Variants in MMS19 observed in about 807,000 individuals in gnomAD.
MMS19 encodes the protein MMS19 cytosolic iron-sulfur assembly component.
A neutral mutation model predicts 129.8 loss-of-function variants in MMS19; 77 were observed. The observed-to-expected ratio is 0.59, with a 90% CI of 0.49 to 0.72. The LOEUF (loss-of-function observed/expected upper bound fraction) is 0.72. Ranked by LOEUF, MMS19 falls within the 30% of genes least tolerant of loss-of-function variation. MMS19 has a pLI of 0.00. For missense variants in MMS19, 1,168 were observed against 1,266.3 expected (o/e 0.92, Z 1.18); for synonymous variants, 491 against 502.8 (o/e 0.98, Z 0.31).
At position 97,460,238 on chromosome 10, in the gene MMS19, G is replaced by GA. The variant is rs756709908; in HGVS notation, c.2470-7dup. On this transcript the variant is annotated splice_region_variant and splice_polypyrimidine_tract_variant and intron_variant, in intron 25 of 30. Coordinates refer to ENST00000438925, the MANE Select transcript of MMS19 (RefSeq NM_022362.5). ...TCACTCAGGAGGCCCATGAGCTGGA[G>GA]AAAAAAGAGCCTTTGAGGTACATCA... The GA allele has an allele frequency of 5.0e-6, 8 of 1,604,494 alleles. No homozygotes were observed. Among genetic ancestry groups the GA allele is most frequent in the South Asian group, 1.1e-5 (1 of 89,902 alleles).
intron 25 of MMS19, 60 bp downstream of exon 25, chr10:97,460,635 T>C (rs1331127906): frequency 3.1e-5 from 43 of 1,393,300 alleles, no homozygotes; most frequent in African/African-American, 4.3e-5. Flanking sequence ...TTGGGAGGAA[T>C]AGGAGCAACC....
chr10:97,467,261 G>A (rs1340747278), intron 14 of MMS19, among the ~76,000 whole-genome samples: 1 of 152,208 alleles, frequency 6.6e-6, no homozygotes, highest in South Asian at 2.1e-4. Flanking sequence ...TTATAGGTGT[G>A]AGCCACCATG....
intron 1 of MMS19, among the ~76,000 whole-genome samples, chr10:97,489,766 A>G (rs755617402): frequency 6.6e-6 from 1 of 152,212 alleles, no homozygotes; most frequent in Non-Finnish European, 1.5e-5. Context: ...AGTACTTTAT[A>G]GAAGGTTCCC....
Position 97,460,175 on chromosome 10 carries a change from G to A in MMS19, c.2527C>T (p.Leu843=). 2.5e-6 allele frequency: 4 copies of A among 1,613,988 alleles called. No homozygotes were observed. Among genetic ancestry groups the A allele is most frequent in the South Asian group, 1.1e-5 (1 of 91,086 alleles). Residue 843 remains leucine (L), a synonymous_variant, in exon 26 of 31, where the codon CTG becomes TTG. Coordinates refer to ENST00000438925, the MANE Select transcript of MMS19 (RefSeq NM_022362.5). ...ACATCAGTGCAGTCAGACATGAGCA[G>A]AGAGAAGCCATCAGCTGCTGCTGGA... ...LGPAAADGFS[L]LMSDCTDVLT...
chr10:97,475,263 G>A (rs545358305), intron 8 of MMS19, among the ~76,000 whole-genome samples: 1 of 152,134 alleles, frequency 6.6e-6, no homozygotes, highest in Non-Finnish European at 1.5e-5. Context: ...TTGATTTTAG[G>A]GGGGTGGTGG....
chr10:97,473,403 AG>A (rs765303714), intron 8 of MMS19, among the ~76,000 whole-genome samples: 2 of 152,114 alleles, frequency 1.3e-5, no homozygotes, highest in Non-Finnish European at 2.9e-5. Flanking sequence ...AAGGCATTTA[AG>A]GGTTACAAAT....
chr10:97,486,072 C>T (rs1218764632), intron 1 of MMS19, among the ~76,000 whole-genome samples: 1 of 152,248 alleles, frequency 6.6e-6, no homozygotes, highest in Non-Finnish European at 1.5e-5. Context: ...TGGTAGCAAC[C>T]TAAGTGTCAA....
chr10:97,462,926 GAA>G (rs1167295823), intron 19 of MMS19: 41 of 404,418 alleles, frequency 1.0e-4, no homozygotes, highest in Non-Finnish European at 4.4e-6. Flanking sequence ...CCAACAGTGG[GAA>G]AGAGGGATAG....
rs1341472967 is a variant in MMS19, at chr10:97,458,723, T to C, written c.3066-4A>G. On this transcript the variant is annotated splice_region_variant and splice_polypyrimidine_tract_variant and intron_variant, in intron 30 of 30. Coordinates refer to ENST00000438925, the MANE Select transcript of MMS19 (RefSeq NM_022362.5). Reference sequence around the variant, plus strand: ...GCCAGGGCTCCCCAACAGAAACCTGTAGGCAAAAAGAAAGTTGGCAGCATT... The same window carrying C: ...GCCAGGGCTCCCCAACAGAAACCTGCAGGCAAAAAGAAAGTTGGCAGCATT... The C allele has an allele frequency of 1.9e-6, 3 of 1,611,580 alleles. No individual in the cohort carries two copies. The highest frequency in any genetic ancestry group is 1.7e-4 in the Middle Eastern group (1 of 6,060).
chr10:97,477,327 C>T lies in MMS19; in HGVS notation c.493+20G>A. ...GGATGTGCTTGCTTTTGACATTTCC[C>T]AGAAAGCTCTGTCTCTTACCTTCTT... On this transcript the variant is annotated intron_variant, in intron 6 of 30. Coordinates refer to ENST00000438925, the MANE Select transcript of MMS19 (RefSeq NM_022362.5). 6.2e-7 allele frequency: 1 copy of T among 1,613,862 alleles called. No individual in the cohort carries two copies. Among genetic ancestry groups the T allele is most frequent in the Non-Finnish European group, 8.5e-7 (1 of 1,179,842 alleles).
chr10:97,469,993 G>T, intron 10 of MMS19, 136 bp downstream of exon 10: 7 of 697,096 alleles, frequency 1.0e-5, no homozygotes, highest in Non-Finnish European at 1.5e-5. Context: ...GCTTCAGGTC[G>T]ACACAAAGGC....
chr10:97,493,614 A>C (rs1271694701), intron 1 of MMS19, among the ~76,000 whole-genome samples: 1 of 152,234 alleles, frequency 6.6e-6, no homozygotes, highest in African/African-American at 2.4e-5. Flanking sequence ...AGTGATATAA[A>C]CAGAGATTGG....
At chr10:97,480,665 T>TG (rs996737249) in intron 3 of MMS19, among the ~76,000 whole-genome samples, 45 of 152,224 alleles carry the variant, frequency 3.0e-4, no homozygotes, top group African/African-American at 1.1e-3. Context: ...CACTGCAACT[T>TG]CCATCTCCTG....
At chr10:97,491,908 A>T (rs1390867706) in intron 1 of MMS19, among the ~76,000 whole-genome samples, 1 of 152,048 alleles carries the variant, frequency 6.6e-6, no homozygotes, top group Non-Finnish European at 1.5e-5. Flanking sequence ...TGGGAGGCCG[A>T]GGTGGGTGGA....
Position 97,461,619 on chromosome 10 carries a change from C to A in MMS19, c.2188G>T (p.Glu730Ter). The A allele has an allele frequency of 6.3e-7, 1 of 1,597,732 alleles. No homozygotes were observed. Among genetic ancestry groups the A allele is most frequent in the Non-Finnish European group, 8.5e-7 (1 of 1,172,066 alleles). Residue 730 changes from glutamate (E) to a stop codon, truncating the protein, a stop_gained, in exon 23 of 31, where the codon GAA (glutamate) becomes TAA (stop). Transcript: ENST00000438925. LOFTEE classifies it high-confidence loss of function. ...AFVCSLPRNVEIPQLNQLMRE... is the reference protein window; with the variant it reads ...AFVCSLPRNV ...ATGAGTTGGTTCAGCTGAGGGATTT[C>A]CACCTACAGAAAACCTGGCCATGTA...
intron 1 of MMS19, among the ~76,000 whole-genome samples, chr10:97,494,395 G>C (rs950016733): frequency 3.3e-5 from 5 of 152,206 alleles, no homozygotes; most frequent in Non-Finnish European, 7.3e-5. Flanking sequence ...TGGACTAGCA[G>C]CCAAAGGGAA....
intron 1 of MMS19, 29 bp from the exon 2 acceptor site, chr10:97,484,180 A>C: frequency 7.2e-7 from 1 of 1,380,932 alleles, no homozygotes. Context: ...ATAAATATGA[A>C]AAATAAAAAA....
At position 97,458,800 on chromosome 10, in the gene MMS19, C is replaced by T; in HGVS notation, c.3065G>A (p.Trp1022Ter). ...RKEAVSARGE[W>*]FLLGSPGS ...CTCTCCCCACGACCTAGAAACTCAC[C>T]ACTCCCCTCTGGCTGACACTGCTTC... Residue 1022 changes from tryptophan (W) to a stop codon, truncating the protein, a stop_gained and splice_region_variant, in exon 30 of 31, where the codon TGG becomes TAG. Transcript: ENST00000438925. LOFTEE classifies it high-confidence loss of function. The T allele has an allele frequency of 6.2e-7, 1 of 1,613,932 alleles. No individual in the cohort carries two copies. The highest frequency in any genetic ancestry group is 8.5e-7 in the Non-Finnish European group (1 of 1,179,858).
chr10:97,459,501 A>G lies in MMS19; in HGVS notation c.2765T>C (p.Leu922Pro). 1 of 1,613,052 alleles carries G rather than the reference A, an allele frequency of 6.2e-7. No individual in the cohort carries two copies. The highest frequency in any genetic ancestry group is 8.5e-7 in the Non-Finnish European group (1 of 1,179,384). The change falls in exon 28 of 31, where the codon CTG (leucine) becomes CCG (proline). Residue 922 changes from leucine (L) to proline (P), a missense_variant. Around this residue, in one of 3 missense-constraint regions of MMS19, gnomAD observed 831 missense variants for 910.8 expected, o/e 0.91. Transcript: ENST00000438925. ...PTLLSLLLEA[L>P]SCPDCVVQLS... is the part of the protein sequence containing the mutation. Reference sequence around the variant, plus strand: ...CTGCACCACACAGTCAGGGCAGGACAGGGCCTCCAGCAGCAAGGAAAGAAG... The same window carrying G: ...CTGCACCACACAGTCAGGGCAGGACGGGGCCTCCAGCAGCAAGGAAAGAAG...
Sources: allele counts gnomAD v4.1 joint callset (sites outside exome capture counted in the v4.1 genomes callset), GRCh38; gene constraint gnomAD v4.1.1; regional missense constraint gnomAD v4.1.1; transcripts MANE v1.5; gene names NCBI Gene and HGNC (gene_info 2026-07-23, HGNC 2026-07-21).